NLGN1: variants seen among roughly 807,000 people sequenced by gnomAD.
The protein encoded by NLGN1 is neuroligin 1.
In NLGN1, 12 loss-of-function variants were observed where a neutral mutation model predicts 65.5. The ratio of observed to expected loss-of-function variants is 0.18; its 90% CI spans 0.12 to 0.30. NLGN1 has a LOEUF of 0.30. Ranked by LOEUF, NLGN1 falls within the 10% of genes least tolerant of loss-of-function variation. The pLI, the probability that NLGN1 is intolerant of heterozygous loss-of-function variation, is 1.00. For synonymous variants in NLGN1, 350 were observed against 359.5 expected (o/e 0.97, Z 0.30); for missense variants, 750 against 1,007.1 (o/e 0.74, Z 3.46).
intron 3 of NLGN1, among the ~76,000 whole-genome samples, chr3:173,759,634 C>T (rs761520483): frequency 1.6e-4 from 25 of 151,960 alleles, no homozygotes; most frequent in Middle Eastern, 3.4e-3. Flanking sequence ...AGCCCTATTG[C>T]GTGATTACTT....
chr3:173,397,781 A>C (rs1385757176), upstream of NLGN1: 1 of 152,102 alleles, frequency 6.6e-6, no homozygotes, highest in South Asian at 2.1e-4. Flanking sequence ...GGCGGCGCGG[A>C]GAGCGCGCCC....
At chr3:173,437,914 C>A (rs1023589545) in intron 2 of NLGN1, among the ~76,000 whole-genome samples, 1 of 152,152 alleles carries the variant, frequency 6.6e-6, no homozygotes, top group Admixed American at 6.5e-5. Context: ...GCCACCATCC[C>A]CTCTACCATC....
chr3:173,770,824 C>T (rs968656164), intron 3 of NLGN1, among the ~76,000 whole-genome samples: 1 of 151,908 alleles, frequency 6.6e-6, no homozygotes, highest in African/African-American at 2.4e-5. Flanking sequence ...ACATATAATT[C>T]GCACTCAATA....
At chr3:173,739,270 C>T (rs1317903394) in intron 3 of NLGN1, among the ~76,000 whole-genome samples, 1 of 151,990 alleles carries the variant, frequency 6.6e-6, no homozygotes, top group Non-Finnish European at 1.5e-5. Context: ...AGGGGTTTAG[C>T]ATTTACTTGG....
At chr3:174,278,416 AC>A (rs1195619061) in intron 5 of NLGN1, among the ~76,000 whole-genome samples, 2 of 151,922 alleles carry the variant, frequency 1.3e-5, no homozygotes, top group Non-Finnish European at 2.9e-5. Flanking sequence ...AATATAGAGA[AC>A]CATTTTGAAG....
intron 3 of NLGN1, among the ~76,000 whole-genome samples, chr3:173,611,304 A>G (rs998078970): frequency 7.9e-5 from 12 of 152,048 alleles, no homozygotes; most frequent in Non-Finnish European, 1.5e-4. Context: ...AAATGGAGGA[A>G]CAAAGAAGTT....
intron 3 of NLGN1, among the ~76,000 whole-genome samples, chr3:173,741,258 C>T (rs1035105727): frequency 6.6e-6 from 1 of 152,050 alleles, no homozygotes; most frequent in African/African-American, 2.4e-5. Context: ...TGGCACAGAG[C>T]AGACAATCAA....
At chr3:173,783,737 C>T (rs1254681840) in intron 3 of NLGN1, among the ~76,000 whole-genome samples, 1 of 152,158 alleles carries the variant, frequency 6.6e-6, no homozygotes, top group South Asian at 2.1e-4. Context: ...GCCTCAGCCT[C>T]CTGAGTTGTT....
intron 3 of NLGN1, among the ~76,000 whole-genome samples, chr3:173,699,393 C>T (rs560931221): frequency 3.9e-5 from 6 of 152,194 alleles, no homozygotes; most frequent in Non-Finnish European, 8.8e-5. Context: ...ATATGTCAAG[C>T]TCTTCTCTCT....
chr3:173,839,644 A>G (rs1197597995), intron 4 of NLGN1, among the ~76,000 whole-genome samples: 3 of 152,110 alleles, frequency 2.0e-5, no homozygotes, highest in Admixed American at 1.3e-4. Flanking sequence ...GATGGTCTCA[A>G]TCTCTTGACC....
At chr3:173,890,811 AG>A (rs1261143597) in intron 4 of NLGN1, among the ~76,000 whole-genome samples, 1 of 152,192 alleles carries the variant, frequency 6.6e-6, no homozygotes, top group African/African-American at 2.4e-5. Flanking sequence ...CTCTAATAAA[AG>A]CCTTCATTAA....
chr3:173,417,787 G>A (rs918594748), intron 1 of NLGN1, among the ~76,000 whole-genome samples: 1 of 151,876 alleles, frequency 6.6e-6, no homozygotes, highest in Admixed American at 6.6e-5. Flanking sequence ...GGGAATGAAT[G>A]CACAATATGA....
intron 4 of NLGN1, among the ~76,000 whole-genome samples, chr3:173,992,954 G>A (rs1017383019): frequency 5.9e-5 from 9 of 152,046 alleles, no homozygotes; most frequent in African/African-American, 1.7e-4. Flanking sequence ...TGTGGGTTAC[G>A]AATCTGAAGC....
chr3:173,960,603 T>G, intron 4 of NLGN1, among the ~76,000 whole-genome samples: 1 of 151,984 alleles, frequency 6.6e-6, no homozygotes, highest in East Asian at 1.9e-4. Flanking sequence ...ACTATAATTT[T>G]AAAAAATTTT....
intron 4 of NLGN1, among the ~76,000 whole-genome samples, chr3:174,066,552 C>G (rs1157547362): frequency 0.013 from 1,517 of 115,578 alleles, 18 homozygotes; most frequent in East Asian, 0.054. Flanking sequence ...CTCTCTCTCT[C>G]TCTCTCTCTC....
At chr3:173,900,438 A>G (rs574070731) in intron 4 of NLGN1, among the ~76,000 whole-genome samples, 1 of 152,146 alleles carries the variant, frequency 6.6e-6, no homozygotes, top group South Asian at 2.1e-4. Context: ...TTATTTCCAG[A>G]TGAAGACTGG....
At chr3:174,145,180 T>G (rs1454895865) in intron 4 of NLGN1, among the ~76,000 whole-genome samples, 1 of 152,126 alleles carries the variant, frequency 6.6e-6, no homozygotes. Context: ...CATTGCTTGT[T>G]TTTGTTACCT....
chr3:174,009,898 A>G (rs1384671917), intron 4 of NLGN1, among the ~76,000 whole-genome samples: 8 of 152,120 alleles, frequency 5.3e-5, no homozygotes, highest in Non-Finnish European at 1.2e-4. Flanking sequence ...GAGCAAAGTC[A>G]GAGAAATGCT....
At chr3:174,197,749 C>G (rs1307128947) in intron 4 of NLGN1, among the ~76,000 whole-genome samples, 13 of 48,282 alleles carry the variant, frequency 2.7e-4, no homozygotes, top group Non-Finnish European at 5.4e-4. Context: ...TTCCCATTAT[C>G]TCGTGTGTGT....
Sources: gnomAD v4.1 joint callset for allele counts (sites outside exome capture counted in the v4.1 genomes callset) on GRCh38, gnomAD v4.1.1 for gene constraint, MANE v1.5 for transcripts, NCBI Gene and HGNC (gene_info 2026-07-23, HGNC 2026-07-21) for gene names.